ELP4: variants seen among roughly 807,000 people sequenced by gnomAD.
The protein encoded by ELP4 is elongator complex protein 4.
ELP4 carries 51 observed loss-of-function variants against 48.9 expected under a neutral mutation model. The ratio of observed to expected loss-of-function variants is 1.04; its 90% confidence interval spans 0.83 to 1.32. ELP4 has a LOEUF of 1.32. ELP4 is among the 40% of genes most tolerant of loss of function. The pLI is 0.00. For missense variants in ELP4, 519 were observed against 514.6 expected, an observed-to-expected ratio of 1.01 and a Z score of -0.08; for synonymous variants, 210 against 189.2, an observed-to-expected ratio of 1.11 and a Z score of -0.90.
intron 7 of ELP4, among the ~76,000 whole-genome samples, chr11:31,639,401 A>G (rs1718395298): frequency 1.3e-5 from 2 of 151,900 alleles, no homozygotes; most frequent in South Asian, 4.1e-4. Context: ...AAAATAACAA[A>G]TAGTCTGTGT....
At chr11:31,687,292 A>C (rs1189752550) in intron 9 of ELP4, among the ~76,000 whole-genome samples, 2 of 152,176 alleles carry the variant, frequency 1.3e-5, no homozygotes, top group East Asian at 3.9e-4. Flanking sequence ...CTGGTAGTTG[A>C]AGACATTAGA....
At chr11:31,574,580 C>T (rs539549836) in intron 3 of ELP4, among the ~76,000 whole-genome samples, 4 of 152,298 alleles carry the variant, frequency 2.6e-5, no homozygotes, top group South Asian at 2.1e-4. Flanking sequence ...CCCTCTGAGA[C>T]GAAGGTTCCA....
chr11:31,617,992 CTT>C (rs986918533), intron 5 of ELP4, among the ~76,000 whole-genome samples: 1 of 151,790 alleles, frequency 6.6e-6, no homozygotes, highest in Non-Finnish European at 1.5e-5. Context: ...AAAACAGAAC[CTT>C]TTTTTGGTAC....
intron 2 of ELP4, among the ~76,000 whole-genome samples, chr11:31,525,075 G>A (rs187297416): frequency 3.9e-4 from 59 of 152,302 alleles, no homozygotes; most frequent in Admixed American, 1.1e-3. Flanking sequence ...GAATACAGCC[G>A]TGCTTATTCA....
At chr11:31,781,841 C>T (rs1312483758) in intron 9 of ELP4, among the ~76,000 whole-genome samples, 2 of 152,072 alleles carry the variant, frequency 1.3e-5, no homozygotes, top group Admixed American at 6.5e-5. Flanking sequence ...GAAATCTTTC[C>T]TGGAACAAAC....
At chr11:31,616,537 A>T (rs899805075) in intron 5 of ELP4, among the ~76,000 whole-genome samples, 2 of 152,128 alleles carry the variant, frequency 1.3e-5, no homozygotes, top group Admixed American at 1.3e-4. Flanking sequence ...TGGATATGAC[A>T]CCAAAAGCAC....
At chr11:31,773,202 A>G (rs1160404124) in intron 9 of ELP4, among the ~76,000 whole-genome samples, 2 of 152,218 alleles carry the variant, frequency 1.3e-5, no homozygotes, top group South Asian at 2.1e-4. Context: ...TTTGCAGTCT[A>G]TTTGCTTCCC....
intron 9 of ELP4, among the ~76,000 whole-genome samples, chr11:31,695,428 G>C (rs1946379907): frequency 6.6e-6 from 1 of 151,994 alleles, no homozygotes; most frequent in Non-Finnish European, 1.5e-5. Context: ...TGTGGTTTTT[G>C]TCTTTGGTTC....
chr11:31,717,291 C>T (rs765696090), intron 9 of ELP4, among the ~76,000 whole-genome samples: 6 of 152,226 alleles, frequency 3.9e-5, no homozygotes, highest in African/African-American at 7.2e-5. Flanking sequence ...GGCAACAAAC[C>T]GCAGTCACAT....
rs2134030012 is a variant in ELP4, at chr11:31,622,999, A to C, written c.654-4111A>C. Among the ~76,000 whole-genome samples the C allele has an allele frequency of 1.3e-5, 2 of 151,072 alleles. 1 individual carries two copies. Among genetic ancestry groups the C allele is most frequent in the Non-Finnish European group, 3.0e-5 (2 of 67,438 alleles). ...TTCTTTGTATAGCTAATAGTTTTAAAGGCACATTGTAGAATCTCAAAATAG... is the reference window on the plus strand; with the variant it reads ...TTCTTTGTATAGCTAATAGTTTTAACGGCACATTGTAGAATCTCAAAATAG... On this transcript the variant is annotated intron_variant, in intron 5 of 9. Transcript: ENST00000640961.
chr11:31,668,700 GTGTGTGTGTGTGTGTGTGTGTA>G (rs1283710619), intron 9 of ELP4, among the ~76,000 whole-genome samples: 2 of 142,344 alleles, frequency 1.4e-5, no homozygotes, highest in East Asian at 2.2e-4. Flanking sequence ...GTGTGTGTGT[GTGTGTGTGTGTGTGTGTGTGTA>G]AGAACCCTGT....
At chr11:31,651,701 C>T (rs1327813579) in intron 9 of ELP4, 5 of 151,574 alleles carry the variant, frequency 3.3e-5, no homozygotes, top group Non-Finnish European at 7.4e-5. Context: ...TAATGGAAGA[C>T]GTAAGTTTTT....
intron 5 of ELP4, among the ~76,000 whole-genome samples, chr11:31,606,267 ATTTAT>A (rs1957872746): frequency 6.6e-6 from 1 of 152,018 alleles, no homozygotes; most frequent in African/African-American, 2.4e-5. Context: ...ACCATGTGAG[ATTTAT>A]TTTAATTTAT....
chr11:31,734,496 A>C (rs1200309967), intron 9 of ELP4, among the ~76,000 whole-genome samples: 1 of 152,246 alleles, frequency 6.6e-6, no homozygotes, highest in Non-Finnish European at 1.5e-5. Flanking sequence ...AGAACTAATA[A>C]ATGAATTCAG....
intron 9 of ELP4, among the ~76,000 whole-genome samples, chr11:31,776,221 C>G (rs1373306919): frequency 1.3e-5 from 2 of 151,082 alleles, no homozygotes; most frequent in East Asian, 2.0e-4. Context: ...TGTAATTCCT[C>G]ACCCTGTAGG....
At chr11:31,635,551 G>A (rs577066879) in intron 7 of ELP4, among the ~76,000 whole-genome samples, 1 of 152,046 alleles carries the variant, frequency 6.6e-6, no homozygotes, top group African/African-American at 2.4e-5. Context: ...ACCATTCGAT[G>A]ATAGAAAGAA....
Position 31,718,839 on chromosome 11 carries a change from G to T in ELP4, c.1144-64554G>T, listed in dbSNP as rs575399848. ...GCTATCACATCTGCCGTACTTTATG[G>T]ATTAGAACAATAACAAGTTCACTCA... On this transcript the variant is annotated intron_variant, in intron 9 of 9. Transcript: ENST00000640961. Among the ~76,000 whole-genome samples, 8 of 152,304 alleles carry T rather than the reference G, an allele frequency of 5.3e-5. No individual in the cohort carries two copies. In the South Asian group the frequency reaches 1.2e-3, roughly 24 times the overall value.
intron 4 of ELP4, among the ~76,000 whole-genome samples, chr11:31,601,095 G>A (rs1957772085): frequency 6.6e-6 from 1 of 152,022 alleles, no homozygotes; most frequent in African/African-American, 2.4e-5. Context: ...ATAATAGTTT[G>A]ATATTTTTAA....
rs186894148 is a variant in ELP4 at position 31,599,484 on chromosome 11, C to T, written c.514-4284C>T. On this transcript the variant is annotated intron_variant, in intron 4 of 9. Transcript: ENST00000640961. ...TTACTTTGCCTTTCTCATTTTAATA[C>T]ACACACACACACACACACACACACA... 5.4e-4 allele frequency: 9 copies of T among 16,730 alleles called. No individual in the cohort carries two copies. In the East Asian group the frequency reaches 0.045, roughly 83 times the overall value. 1.0% of individuals were successfully genotyped at this position (16,730 alleles called of 1,614,324 possible).
Sources: allele counts gnomAD v4.1 joint callset (sites outside exome capture counted in the v4.1 genomes callset), GRCh38; gene constraint gnomAD v4.1.1; transcripts MANE v1.5; gene names NCBI Gene and HGNC (gene_info 2026-07-23, HGNC 2026-07-21).